The following COL11A1 variants were observed in gnomAD, a reference collection of about 807,000 sequenced individuals.
COL11A1 encodes collagen type XI alpha 1 chain, also known as collagen alpha-1(XI) chain.
In COL11A1, 74 loss-of-function variants were observed where a neutral mutation model predicts 265.2. The ratio of observed to expected loss-of-function variants is 0.28; its 90% CI spans 0.23 to 0.34. The LOEUF (loss-of-function observed/expected upper bound fraction) is 0.34, where lower values mean the gene tolerates loss of function less well. COL11A1 is among the 10% of genes least tolerant of loss of function. The pLI, the probability that COL11A1 is intolerant of heterozygous loss-of-function variation, is 1.00. For missense variants in COL11A1, 2,165 were observed against 2,263.6 expected (o/e 0.96, Z 0.88); for synonymous variants, 816 against 727.6 (o/e 1.12, Z -1.96).
chr1:103,045,680 C>T (rs1296179031), intron 4 of COL11A1, among the ~76,000 whole-genome samples: 8 of 152,010 alleles, frequency 5.3e-5, no homozygotes, highest in Non-Finnish European at 8.8e-5. Flanking sequence ...AGGTTTGTTA[C>T]GTATGTAGAC....
intron 41 of COL11A1, among the ~76,000 whole-genome samples, chr1:102,958,475 C>A (rs1475032202): frequency 6.6e-6 from 1 of 152,020 alleles, no homozygotes; most frequent in East Asian, 1.9e-4. Flanking sequence ...TTAAAAAATT[C>A]AAAATCAAAT....
intron 46 of COL11A1, among the ~76,000 whole-genome samples, chr1:102,932,880 G>A (rs923075200): frequency 1.1e-4 from 17 of 151,440 alleles, no homozygotes; most frequent in Admixed American, 3.3e-4. Flanking sequence ...CCAGTTGATC[G>A]CATCGGCTCC....
intron 44 of COL11A1, among the ~76,000 whole-genome samples, chr1:102,937,772 C>A (rs1186001219): frequency 6.6e-6 from 1 of 152,152 alleles, no homozygotes; most frequent in Non-Finnish European, 1.5e-5. Context: ...GTACAACCTG[C>A]TGAACTGTAA....
At chr1:103,030,813 G>A (rs778859273) in intron 5 of COL11A1, 29 of 356,798 alleles carry the variant, frequency 8.1e-5, no homozygotes, top group Non-Finnish European at 1.5e-4. Context: ...AATGCTAATG[G>A]TCGAAATATC....
At chr1:103,029,148 G>A (rs926716284) in intron 5 of COL11A1, among the ~76,000 whole-genome samples, 8 of 151,962 alleles carry the variant, frequency 5.3e-5, no homozygotes, top group Non-Finnish European at 1.0e-4. Flanking sequence ...AGGATACTAA[G>A]TAGACAAAAT....
chr1:103,015,659 A>T lies in COL11A1; in HGVS notation c.1488+9T>A. On this transcript the variant is annotated intron_variant, in intron 12 of 66. Transcript: ENST00000370096. The stretch of plus-strand genomic sequence containing the variant: ...TCAAGTCATCTCTATAACATAAAAA[A>T]GAACATACCGGTAACATCAACATAG... 6.3e-7 allele frequency: 1 copy of T among 1,596,142 alleles called. No individual in the cohort carries two copies. Among genetic ancestry groups the T allele is most frequent in the Non-Finnish European group, 8.6e-7 (1 of 1,167,600 alleles).
intron 4 of COL11A1, among the ~76,000 whole-genome samples, chr1:103,074,100 AT>A (rs1671787945): frequency 6.6e-6 from 1 of 152,108 alleles, no homozygotes; most frequent in African/African-American, 2.4e-5. Flanking sequence ...GATTATCATA[AT>A]TAGTGAAATA....
At chr1:103,022,053 G>T (rs187468059) in intron 8 of COL11A1, among the ~76,000 whole-genome samples, 1 of 146,164 alleles carries the variant, frequency 6.8e-6, no homozygotes, top group Admixed American at 6.9e-5. Context: ...ATCGGTTTTC[G>T]CCGTGTTGCC....
At chr1:103,074,859 G>A (rs746261446) in intron 3 of COL11A1, 79 bp from the exon 4 acceptor site, 21 of 1,492,986 alleles carry the variant, frequency 1.4e-5, no homozygotes, top group Non-Finnish European at 1.8e-5. Flanking sequence ...AAAATGCTGT[G>A]TATTTTAAAT....
intron 54 of COL11A1, among the ~76,000 whole-genome samples, chr1:102,909,759 G>C (rs1269789227): frequency 6.6e-6 from 1 of 151,948 alleles, no homozygotes; most frequent in East Asian, 1.9e-4. Flanking sequence ...ATCTAAATCT[G>C]AATATGTATT....
Position 102,982,535 on chromosome 1 carries a change from G to A in COL11A1, c.2556+1603C>T, listed in dbSNP as rs117724558. 5.0e-4 allele frequency among the ~76,000 whole-genome samples: 76 copies of A among 152,112 alleles called. 1 individual carries two copies. The East Asian group carries it at 0.013, about 26-fold the overall frequency. On this transcript the variant is annotated intron_variant, in intron 31 of 66. Coordinates refer to ENST00000370096, the MANE Select transcript of COL11A1 (RefSeq NM_001854.4). ...TTGAAAGGAAGCTAACTGGGAGACA[G>A]AGCAGTATATTAGAGATAATATTTA...
chr1:103,035,471 C>T (rs1472172227), intron 4 of COL11A1, among the ~76,000 whole-genome samples: 1 of 152,034 alleles, frequency 6.6e-6, no homozygotes, highest in African/African-American at 2.4e-5. Context: ...TATTCATCTT[C>T]ACGATAAATT....
intron 3 of COL11A1, among the ~76,000 whole-genome samples, chr1:103,075,025 A>G (rs897062232): frequency 2.0e-5 from 3 of 152,148 alleles, no homozygotes; most frequent in Admixed American, 1.3e-4. Flanking sequence ...TGTGCTGATA[A>G]GGAAGTGCCC....
chr1:103,100,154 A>T (rs1245568713), intron 1 of COL11A1: 1 of 151,932 alleles, frequency 6.6e-6, no homozygotes, highest in Non-Finnish European at 1.5e-5. Flanking sequence ...ACATTCTCTC[A>T]GTTGATTACA....
chr1:102,953,340 A>G (rs865789310), intron 41 of COL11A1, among the ~76,000 whole-genome samples: 7 of 152,242 alleles, frequency 4.6e-5, no homozygotes, highest in South Asian at 2.1e-4. Flanking sequence ...AATTAAGTGT[A>G]TGATCTTTCC....
intron 54 of COL11A1, among the ~76,000 whole-genome samples, chr1:102,905,413 AAAGGAAGG>A (rs918148695): frequency 3.2e-4 from 48 of 150,794 alleles, no homozygotes; most frequent in South Asian, 1.3e-3. Context: ...AAAGAGAGAG[AAAGGAAGG>A]AAGGAAGAAA....
rs1317428359 is a variant in COL11A1, at chr1:103,079,931, G to T, written c.275-1060C>A. Among the ~76,000 whole-genome samples the T allele has an allele frequency of 3.3e-5, 5 of 151,838 alleles. No homozygotes were observed. In the East Asian group the frequency reaches 9.6e-4, roughly 29 times the overall value. ...GGCTTGGATTCAAGTTCAAACAATT[G>T]TAGGAGATCAGCAATTCTACTTCTA... On this transcript the variant is annotated intron_variant, in intron 2 of 66. Coordinates refer to ENST00000370096, the MANE Select transcript of COL11A1 (RefSeq NM_001854.4).
At chr1:102,898,901 A>T (rs1049068983) in intron 55 of COL11A1, 40 bp downstream of exon 55, 13 of 1,014,198 alleles carry the variant, frequency 1.3e-5, no homozygotes, top group Admixed American at 3.3e-5. Flanking sequence ...TGTATATATA[A>T]TATATAATAT....
At chr1:103,087,574 C>A (rs552500230) in intron 1 of COL11A1, among the ~76,000 whole-genome samples, 2 of 152,312 alleles carry the variant, frequency 1.3e-5, no homozygotes, top group South Asian at 2.1e-4. Context: ...TCATTCTGTC[C>A]TCATTCAGTG....
Sources: gnomAD v4.1 joint callset for allele counts (sites outside exome capture counted in the v4.1 genomes callset) on GRCh38, gnomAD v4.1.1 for gene constraint, MANE v1.5 for transcripts, NCBI Gene and HGNC (gene_info 2026-07-23, HGNC 2026-07-21) for gene names.